NR3C2: variants seen among roughly 807,000 people sequenced by gnomAD.
NR3C2 encodes nuclear receptor subfamily 3 group C member 2.
A neutral mutation model predicts 86.4 loss-of-function variants in NR3C2; 15 were observed. The ratio of observed to expected loss-of-function variants is 0.17; its 90% CI spans 0.12 to 0.27. The LOEUF (loss-of-function observed/expected upper bound fraction) is 0.27, where lower values mean the gene tolerates loss of function less well. Among genes scored for constraint, NR3C2 ranks in the 10% least tolerant of loss-of-function variants. NR3C2 has a pLI of 1.00. For missense variants in NR3C2, 960 were observed against 1,195.6 expected, an observed-to-expected ratio of 0.80 and a Z score of 2.91; for synonymous variants, 458 against 450.5, an observed-to-expected ratio of 1.02 and a Z score of -0.21.
chr4:148,213,439 T>C (rs61758903), intron 3 of NR3C2, among the ~76,000 whole-genome samples: 20,088 of 152,248 alleles, frequency 0.13, 1,508 homozygotes, highest in Middle Eastern at 0.24. Flanking sequence ...GGAATTTTTA[T>C]GTATGTTTAG....
At chr4:148,101,531 TAAA>T (rs1731535466) in intron 8 of NR3C2, among the ~76,000 whole-genome samples, 1 of 152,146 alleles carries the variant, frequency 6.6e-6, no homozygotes, top group African/African-American at 2.4e-5. Flanking sequence ...AATCATGACT[TAAA>T]AAAGAAGATC....
chr4:148,232,086 T>A (rs1433017933), intron 3 of NR3C2, among the ~76,000 whole-genome samples: 13 of 152,342 alleles, frequency 8.5e-5, no homozygotes, highest in African/African-American at 3.1e-4. Context: ...AAGTTGGAAT[T>A]AACTTCTTCC....
At position 148,078,904 on chromosome 4, in the gene NR3C2, G is replaced by A. The variant is rs1420929032; in HGVS notation, c.*2440C>T. ...ATTATATGAACTTTTGGTGAATTAT[G>A]AACTGTACCAAACCAAGATTTTTAA... On this transcript the variant is annotated 3_prime_UTR_variant, in exon 9 of 9. Transcript: ENST00000358102. The A allele has an allele frequency of 6.6e-6, 1 of 152,560 alleles. No individual in the cohort carries two copies. Among genetic ancestry groups the A allele is most frequent in the Non-Finnish European group, 1.5e-5 (1 of 68,044 alleles). 9.5% of individuals were successfully genotyped at this position (152,560 alleles called of 1,614,324 possible).
chr4:148,324,947 TTTACAAA>T (rs781038762), intron 2 of NR3C2, among the ~76,000 whole-genome samples: 43 of 152,182 alleles, frequency 2.8e-4, no homozygotes, highest in Non-Finnish European at 5.9e-4. Context: ...CAAACATTGC[TTTACAAA>T]TTACATGGGC....
At chr4:148,405,225 C>T (rs1186589045) in intron 2 of NR3C2, among the ~76,000 whole-genome samples, 1 of 152,174 alleles carries the variant, frequency 6.6e-6, no homozygotes, top group Non-Finnish European at 1.5e-5. Context: ...CACCATAGGG[C>T]TACACAAAAA....
intron 6 of NR3C2, among the ~76,000 whole-genome samples, chr4:148,130,689 C>A (rs1482897759): frequency 1.3e-5 from 2 of 151,022 alleles, no homozygotes; most frequent in Non-Finnish European, 2.9e-5. Flanking sequence ...TTCAGCTGTT[C>A]TTTTCTTTGT....
intron 3 of NR3C2, chr4:148,208,108 C>A (rs1181008734): frequency 6.6e-6 from 1 of 152,216 alleles, no homozygotes; most frequent in Non-Finnish European, 1.5e-5. Flanking sequence ...TGGCGCTCAA[C>A]AAACTTTCTA....
rs747466863 is a variant in NR3C2 at position 148,435,725 on chromosome 4, T to G, written c.1136A>C (p.Glu379Ala). Residue 379 changes from glutamate (E) to alanine (A), a missense_variant, in exon 2 of 9, where the codon GAA (glutamate) becomes GCA (alanine). Glu to Ala is a moderately radical substitution (Grantham distance 107). Coordinates refer to ENST00000358102, the MANE Select transcript of NR3C2 (RefSeq NM_000901.5). ...ACCATTTGAGATGGCACTCTCTACT[T>G]CCTCAGTCTTAGGAAAAGGGACCTC... ...AQEVPFPKTEEVESAISNGVT... is the reference protein window; with the variant it reads ...AQEVPFPKTEAVESAISNGVT... 6.2e-7 allele frequency: 1 copy of G among 1,614,182 alleles called. No individual in the cohort carries two copies. The highest frequency in any genetic ancestry group is 8.5e-7 in the Non-Finnish European group (1 of 1,180,018).
At chr4:148,289,813 A>G (rs1741712828) in intron 2 of NR3C2, among the ~76,000 whole-genome samples, 1 of 152,026 alleles carries the variant, frequency 6.6e-6, no homozygotes, top group Non-Finnish European at 1.5e-5. Flanking sequence ...TTGCTCTGAT[A>G]ATGCGAGGGA....
At chr4:148,407,078 C>T (rs1748463352) in intron 2 of NR3C2, among the ~76,000 whole-genome samples, 1 of 152,162 alleles carries the variant, frequency 6.6e-6, no homozygotes, top group Non-Finnish European at 1.5e-5. Context: ...ATTTACTCTT[C>T]ACAACTACCG....
At chr4:148,366,468 T>G (rs1746137488) in intron 2 of NR3C2, among the ~76,000 whole-genome samples, 1 of 152,358 alleles carries the variant, frequency 6.6e-6, no homozygotes, top group African/African-American at 2.4e-5. Context: ...AAGAATACTT[T>G]TTAAAAAGTA....
intron 2 of NR3C2, among the ~76,000 whole-genome samples, chr4:148,303,727 C>A (rs114626097): frequency 1.8e-3 from 271 of 152,278 alleles, no homozygotes; most frequent in African/African-American, 6.1e-3. Context: ...AAAGGCACAG[C>A]GCAAGTGATC....
chr4:148,183,519 T>C (rs539982915), intron 4 of NR3C2, among the ~76,000 whole-genome samples: 1 of 152,176 alleles, frequency 6.6e-6, no homozygotes, highest in Non-Finnish European at 1.5e-5. Context: ...CCATTCTAAT[T>C]GGTGTGAGAT....
At chr4:148,420,836 T>G (rs542480787) in intron 2 of NR3C2, among the ~76,000 whole-genome samples, 1 of 152,294 alleles carries the variant, frequency 6.6e-6, no homozygotes, top group East Asian at 1.9e-4. Flanking sequence ...ACTCCTTCTC[T>G]TGCTCCTGCT....
At chr4:148,084,588 C>G (rs1006977351) in intron 8 of NR3C2, among the ~76,000 whole-genome samples, 4 of 152,172 alleles carry the variant, frequency 2.6e-5, no homozygotes, top group African/African-American at 9.7e-5. Context: ...ACCATCGATG[C>G]TATGAAGAAA....
chr4:148,138,038 A>G (rs1733427515), intron 6 of NR3C2, among the ~76,000 whole-genome samples: 1 of 152,250 alleles, frequency 6.6e-6, no homozygotes, highest in African/African-American at 2.4e-5. Context: ...GTAAATATCA[A>G]TAGATATAAC....
intron 2 of NR3C2, among the ~76,000 whole-genome samples, chr4:148,306,002 G>C (rs942765210): frequency 3.9e-5 from 6 of 152,206 alleles, no homozygotes; most frequent in Middle Eastern, 3.4e-3. Flanking sequence ...GACAAAAGTT[G>C]GTTCTATTTT....
intron 4 of NR3C2, among the ~76,000 whole-genome samples, chr4:148,158,120 C>T (rs897541827): frequency 5.9e-5 from 9 of 152,176 alleles, no homozygotes; most frequent in South Asian, 4.1e-4. Context: ...ATCATATTCA[C>T]GTATGTTAAT....
intron 3 of NR3C2, among the ~76,000 whole-genome samples, chr4:148,236,037 T>G (rs542389416): frequency 1.9e-4 from 29 of 152,344 alleles, no homozygotes; most frequent in African/African-American, 6.7e-4. Context: ...CTTCTGTGTT[T>G]CTAAAGCTAG....
Sources: gnomAD v4.1 joint callset for allele counts (sites outside exome capture counted in the v4.1 genomes callset) on GRCh38, gnomAD v4.1.1 for gene constraint, MANE v1.5 for transcripts, NCBI Gene and HGNC (gene_info 2026-07-23, HGNC 2026-07-21) for gene names.